Variants in PDE11A observed in about 807,000 individuals in gnomAD.
PDE11A encodes phosphodiesterase 11A, also known as dual 3',5'-cyclic-AMP and -GMP phosphodiesterase 11A.
PDE11A carries 100 observed loss-of-function variants against 100.5 expected under a neutral mutation model. The observed-to-expected ratio is 1.00, with a 90% CI of 0.85 to 1.18. The LOEUF (loss-of-function observed/expected upper bound fraction) is 1.18. PDE11A is among the 50% of genes most tolerant of loss of function. PDE11A has a pLI of 0.00. For synonymous variants in PDE11A, 381 were observed against 420.8 expected, an observed-to-expected ratio of 0.91 and a Z score of 1.16; for missense variants, 1,141 against 1,152.6, an observed-to-expected ratio of 0.99 and a Z score of 0.15.
At chr2:177,708,678 A>G (rs2081315528) in intron 13 of PDE11A, among the ~76,000 whole-genome samples, 1 of 152,262 alleles carries the variant, frequency 6.6e-6, no homozygotes, top group Admixed American at 6.5e-5. Flanking sequence ...AAGAGGTTGC[A>G]TCTGTTAAAG....
At chr2:177,795,365 TG>T (rs2082691023) in intron 9 of PDE11A, among the ~76,000 whole-genome samples, 1 of 152,210 alleles carries the variant, frequency 6.6e-6, no homozygotes, top group Admixed American at 6.5e-5. Flanking sequence ...GTCTCTGCTC[TG>T]GGCCCAACAC....
intron 10 of PDE11A, among the ~76,000 whole-genome samples, chr2:177,737,420 TAC>T (rs567621311): frequency 9.1e-6 from 1 of 110,430 alleles, no homozygotes; most frequent in African/African-American, 2.8e-5. Flanking sequence ...CTACTAAAAA[TAC>T]ACACACACAT....
At chr2:178,011,503 A>G (rs1328309317) in intron 2 of PDE11A, among the ~76,000 whole-genome samples, 1 of 152,192 alleles carries the variant, frequency 6.6e-6, no homozygotes, top group Non-Finnish European at 1.5e-5. Context: ...GGCGAGGTAT[A>G]GGGGAAGAGG....
rs202128107 is a variant in PDE11A at position 177,738,689 on chromosome 2, G to T, written c.1789-10517C>A. ...TCTTGAGTCCTCACTGACCCTCCCT[G>T]CTGCAGCCTCACCAGAGAGAGGGAG... On this transcript the variant is annotated intron_variant, in intron 10 of 19. Coordinates refer to ENST00000286063, the MANE Select transcript of PDE11A (RefSeq NM_016953.4). Among the ~76,000 whole-genome samples the T allele has an allele frequency of 1.6e-4, 24 of 152,276 alleles. No individual in the cohort carries two copies. The East Asian group carries it at 4.3e-3, about 27-fold the overall frequency.
chr2:178,057,016 A>G (rs2086908186), intron 1 of PDE11A, among the ~76,000 whole-genome samples: 1 of 152,132 alleles, frequency 6.6e-6, no homozygotes, highest in African/African-American at 2.4e-5. Flanking sequence ...AAATAAATGG[A>G]AAGAGGAGAG....
chr2:177,886,132 G>A (rs1211233708), intron 4 of PDE11A, among the ~76,000 whole-genome samples: 1 of 152,184 alleles, frequency 6.6e-6, no homozygotes, highest in Non-Finnish European at 1.5e-5. Context: ...ACTAAGAGAA[G>A]TGATAGGAAT....
chr2:177,827,429 T>C (rs886815652), intron 6 of PDE11A, among the ~76,000 whole-genome samples: 1 of 152,252 alleles, frequency 6.6e-6, no homozygotes, highest in Non-Finnish European at 1.5e-5. Context: ...ACTTTTTAGT[T>C]AATTTCTGAC....
intron 4 of PDE11A, among the ~76,000 whole-genome samples, chr2:177,885,542 C>T (rs942217459): frequency 1.3e-5 from 2 of 151,982 alleles, no homozygotes; most frequent in African/African-American, 2.4e-5. Flanking sequence ...CCACTTTGCA[C>T]ACTAGAAAAA....
At chr2:177,927,504 T>G (rs12995449) in intron 2 of PDE11A, among the ~76,000 whole-genome samples, 13,168 of 152,252 alleles carry the variant, frequency 0.086, 542 homozygotes, top group South Asian at 0.1. Flanking sequence ...TTGGTTCACA[T>G]TGTCAAAGGT....
chr2:178,065,251 C>T (rs2087028648), intron 1 of PDE11A, among the ~76,000 whole-genome samples: 1 of 152,126 alleles, frequency 6.6e-6, no homozygotes, highest in Non-Finnish European at 1.5e-5. Context: ...TGTTGACTTT[C>T]CTATAAAACA....
chr2:177,808,191 T>A (rs1211473209), intron 9 of PDE11A, among the ~76,000 whole-genome samples: 1 of 152,216 alleles, frequency 6.6e-6, no homozygotes, highest in African/African-American at 2.4e-5. Context: ...TTACCTAATC[T>A]AACATGTTTT....
chr2:178,104,247 GC>G (rs1389791527), intron 2 of PDE11A: 1 of 1,498,498 alleles, frequency 6.7e-7, no homozygotes, highest in Non-Finnish European at 9.3e-7. Context: ...CAAATCATAT[GC>G]TTTATTCTTT....
intron 19 of PDE11A, among the ~76,000 whole-genome samples, chr2:177,645,939 G>T (rs750601531): frequency 3.9e-5 from 6 of 152,222 alleles, no homozygotes; most frequent in Non-Finnish European, 5.9e-5. Context: ...ATGCATTACA[G>T]CAGTTTTATC....
intron 9 of PDE11A, among the ~76,000 whole-genome samples, chr2:177,811,996 T>C (rs1169103167): frequency 6.6e-6 from 1 of 152,156 alleles, no homozygotes; most frequent in Non-Finnish European, 1.5e-5. Flanking sequence ...AGCATAGTCT[T>C]ACAAGAAATC....
chr2:177,842,595 G>A (rs1342849068), intron 5 of PDE11A, among the ~76,000 whole-genome samples: 1 of 152,156 alleles, frequency 6.6e-6, no homozygotes, highest in Non-Finnish European at 1.5e-5. Context: ...TGTGATTTTA[G>A]AAAGCTTAAT....
chr2:177,677,083 T>A (rs2080787548), intron 16 of PDE11A, among the ~76,000 whole-genome samples: 1 of 152,232 alleles, frequency 6.6e-6, no homozygotes, highest in South Asian at 2.1e-4. Flanking sequence ...TGCCTATTTG[T>A]ATCATAATGT....
At chr2:178,061,036 T>C (rs574969433) in intron 1 of PDE11A, among the ~76,000 whole-genome samples, 2 of 147,502 alleles carry the variant, frequency 1.4e-5, no homozygotes, top group Admixed American at 1.4e-4. Flanking sequence ...TTCTGCCTCC[T>C]GGGTTCAAAC....
intron 9 of PDE11A, among the ~76,000 whole-genome samples, chr2:177,809,785 A>G (rs2082921825): frequency 6.6e-6 from 1 of 152,140 alleles, no homozygotes; most frequent in Non-Finnish European, 1.5e-5. Flanking sequence ...GTGGAATGGT[A>G]CTAGACAGTT....
chr2:177,947,428 A>C (rs910972169), intron 2 of PDE11A, among the ~76,000 whole-genome samples: 2 of 152,202 alleles, frequency 1.3e-5, no homozygotes, highest in African/African-American at 4.8e-5. Flanking sequence ...ACTAGGAAAA[A>C]TTCTTCTGCC....
Sources: gnomAD v4.1 joint callset for allele counts (sites outside exome capture counted in the v4.1 genomes callset) on GRCh38, gnomAD v4.1.1 for gene constraint, MANE v1.5 for transcripts, NCBI Gene and HGNC (gene_info 2026-07-23, HGNC 2026-07-21) for gene names.